ZBTB7C: variants seen among roughly 807,000 people sequenced by gnomAD.
The protein encoded by ZBTB7C is zinc finger and BTB domain-containing protein 7C.
Under a neutral mutation model 25.7 loss-of-function variants are expected in ZBTB7C, and 8 were observed. The observed-to-expected ratio is 0.31, with a 90% CI of 0.18 to 0.56. The LOEUF is 0.56. Among genes scored for constraint, ZBTB7C ranks in the 20% least tolerant of loss-of-function variants. The pLI is 0.91. For synonymous variants in ZBTB7C, 394 were observed against 369.0 expected (o/e 1.07, Z -0.78); for missense variants, 824 against 855.2 (o/e 0.96, Z 0.46).
intron 3 of ZBTB7C, among the ~76,000 whole-genome samples, chr18:48,121,963 T>G (rs1262974340): frequency 2.0e-5 from 3 of 152,152 alleles, no homozygotes; most frequent in African/African-American, 4.8e-5. Context: ...AGGCCTGAGC[T>G]GACCTGTGCC....
Position 48,270,708 on chromosome 18 carries a change from A to T in ZBTB7C, c.-79+67466T>A, listed in dbSNP as rs866043197. Among the ~76,000 whole-genome samples the T allele has an allele frequency of 5.1e-3, 718 of 141,672 alleles. 6 individuals are homozygous for T. Among genetic ancestry groups the T allele is most frequent in the African/African-American group, 0.016 (637 of 40,318 alleles). The allele number at this position is 141,672 out of a possible 152,430, so 92.9% of individuals were successfully genotyped here. The stretch of plus-strand genomic sequence containing the variant: ...CTGTCTCAAAAAAAAAAAAAAAAAA[A>T]TTTTTATATTTTTAGTAGAGGTGTG... On this transcript the variant is annotated intron_variant, in intron 2 of 4. Transcript: ENST00000590800.
At chr18:48,110,179 G>A (rs1355734284) in intron 3 of ZBTB7C, among the ~76,000 whole-genome samples, 3 of 152,194 alleles carry the variant, frequency 2.0e-5, no homozygotes, top group Non-Finnish European at 4.4e-5. Flanking sequence ...TCTCACAGAT[G>A]GAACAATCAT....
intron 3 of ZBTB7C, among the ~76,000 whole-genome samples, chr18:48,161,700 G>GGCCCGGGCGCCCCGCCCC (rs2041046251): frequency 6.8e-6 from 1 of 146,488 alleles, no homozygotes; most frequent in South Asian, 2.2e-4. Flanking sequence ...TGCCCGGCCC[G>GGCCCGGGCGCCCCGCCCC]GCCCGGCCCG....
At chr18:48,115,663 G>A (rs868847454) in intron 3 of ZBTB7C, among the ~76,000 whole-genome samples, 1 of 152,128 alleles carries the variant, frequency 6.6e-6, no homozygotes, top group Non-Finnish European at 1.5e-5. Flanking sequence ...ATAATGCTGC[G>A]ATGAACATTC....
intron 3 of ZBTB7C, among the ~76,000 whole-genome samples, chr18:48,181,040 T>A (rs73431368): frequency 6.6e-6 from 1 of 152,052 alleles, no homozygotes; most frequent in Non-Finnish European, 1.5e-5. Context: ...AAGTTTCCAA[T>A]GCATAGGATT....
intron 3 of ZBTB7C, among the ~76,000 whole-genome samples, chr18:48,129,858 T>G (rs73958004): frequency 2.6e-5 from 4 of 152,148 alleles, no homozygotes; most frequent in African/African-American, 9.7e-5. Context: ...CAGTCAGGGT[T>G]ATGGGGTGGA....
intron 3 of ZBTB7C, among the ~76,000 whole-genome samples, chr18:48,075,883 T>A (rs2037744075): frequency 6.6e-6 from 1 of 152,184 alleles, no homozygotes; most frequent in Non-Finnish European, 1.5e-5. Flanking sequence ...AAATCCGCTC[T>A]CCTAGGAGTT....
chr18:48,109,258 C>G (rs2039147133), intron 3 of ZBTB7C, among the ~76,000 whole-genome samples: 1 of 152,206 alleles, frequency 6.6e-6, no homozygotes, highest in Non-Finnish European at 1.5e-5. Context: ...AGACCCCCAT[C>G]CAGGCCAGCC....
At chr18:48,053,293 G>A (rs996329988) in intron 3 of ZBTB7C, among the ~76,000 whole-genome samples, 1 of 152,164 alleles carries the variant, frequency 6.6e-6, no homozygotes. Flanking sequence ...ACACCCCACA[G>A]GCCTTGCATG....
chr18:48,246,824 A>G (rs2043709494), intron 2 of ZBTB7C, among the ~76,000 whole-genome samples: 1 of 152,098 alleles, frequency 6.6e-6, no homozygotes, highest in African/African-American at 2.4e-5. Flanking sequence ...CACCACATGC[A>G]CACACACCCT....
intron 2 of ZBTB7C, among the ~76,000 whole-genome samples, chr18:48,302,312 C>T (rs1466549636): frequency 6.6e-6 from 1 of 152,180 alleles, no homozygotes. Context: ...GCTGACGGCT[C>T]CTGCTCCTTG....
intron 1 of ZBTB7C, among the ~76,000 whole-genome samples, chr18:48,341,011 C>T (rs1214403921): frequency 6.6e-6 from 1 of 152,168 alleles, no homozygotes; most frequent in Non-Finnish European, 1.5e-5. Context: ...TGAGTCTGTT[C>T]CCAAGGGCCC....
Position 48,121,350 on chromosome 18 carries a change from C to T in ZBTB7C, c.-17+64584G>A, listed in dbSNP as rs1046693605. Among the ~76,000 whole-genome samples, 95 of 152,128 alleles carry T rather than the reference C, an allele frequency of 6.2e-4. 1 individual carries two copies. Among genetic ancestry groups the T allele is most frequent in the Middle Eastern group, 6.8e-3 (2 of 294 alleles). ...GGGATGGGATGCTGTCCCAGCTGCTCTTGTGTGTCTCAAAACTTCTACAAA... is the reference window on the plus strand; with the variant it reads ...GGGATGGGATGCTGTCCCAGCTGCTTTTGTGTGTCTCAAAACTTCTACAAA... On this transcript the variant is annotated intron_variant, in intron 3 of 4. Coordinates refer to ENST00000590800, the MANE Select transcript of ZBTB7C (RefSeq NM_001318841.2).
chr18:48,152,490 A>AT (rs2144897892), intron 3 of ZBTB7C, among the ~76,000 whole-genome samples: 1 of 152,358 alleles, frequency 6.6e-6, no homozygotes, highest in South Asian at 2.1e-4. Context: ...AGAACAGATG[A>AT]TTGATACATG....
intron 3 of ZBTB7C, among the ~76,000 whole-genome samples, chr18:48,129,205 C>CA (rs1316951760): frequency 6.6e-6 from 1 of 151,816 alleles, no homozygotes; most frequent in African/African-American, 2.4e-5. Flanking sequence ...CACTGCCCTC[C>CA]AAAAAAACTG....
chr18:48,080,354 C>T (rs1005888384), intron 3 of ZBTB7C, among the ~76,000 whole-genome samples: 3 of 152,274 alleles, frequency 2.0e-5, no homozygotes, highest in African/African-American at 7.2e-5. Flanking sequence ...CACTTGTACC[C>T]TCTCATTTCA....
rs537253080 is a variant in ZBTB7C at position 48,177,044 on chromosome 18, G to T, written c.-17+8890C>A. Among the ~76,000 whole-genome samples, 11 of 152,394 alleles carry T rather than the reference G, an allele frequency of 7.2e-5. No individual in the cohort carries two copies. The South Asian group carries it at 2.3e-3, about 32-fold the overall frequency. On this transcript the variant is annotated intron_variant, in intron 3 of 4. Coordinates refer to ENST00000590800, the MANE Select transcript of ZBTB7C (RefSeq NM_001318841.2). ...ACTTGGCCCAGGCCCCCCATAGGGT[G>T]TGCTGGACATCTACGGGAACTATTA...
chr18:48,038,059 G>C (rs1025208409), intron 4 of ZBTB7C, among the ~76,000 whole-genome samples: 1 of 152,200 alleles, frequency 6.6e-6, no homozygotes, highest in Non-Finnish European at 1.5e-5. Flanking sequence ...GGTGAATTCA[G>C]GAGGAGGTAG....
chr18:48,066,322 C>T (rs1436763410), intron 3 of ZBTB7C, among the ~76,000 whole-genome samples: 1 of 152,214 alleles, frequency 6.6e-6, no homozygotes, highest in Non-Finnish European at 1.5e-5. Context: ...GATCTGTACA[C>T]CCCACGGATG....
Sources: allele counts gnomAD v4.1 joint callset (sites outside exome capture counted in the v4.1 genomes callset), GRCh38; gene constraint gnomAD v4.1.1; transcripts MANE v1.5; gene names NCBI Gene and HGNC (gene_info 2026-07-23, HGNC 2026-07-21).